NECAB1: variants seen among roughly 807,000 people sequenced by gnomAD.
The protein encoded by NECAB1 is N-terminal EF-hand calcium binding protein 1.
NECAB1 carries 29 observed loss-of-function variants against 57.5 expected under a neutral mutation model. The ratio of observed to expected loss-of-function variants is 0.50; its 90% CI spans 0.38 to 0.69. NECAB1 has a LOEUF of 0.69. Among genes scored for constraint, NECAB1 ranks in the 30% least tolerant of loss-of-function variants. The probability of loss-of-function intolerance (pLI) is 0.00; values close to 1 mark genes in which losing one functional copy is unlikely to be tolerated. For missense variants in NECAB1, 372 were observed against 413.8 expected, an observed-to-expected ratio of 0.90 and a Z score of 0.88; for synonymous variants, 142 against 147.7, an observed-to-expected ratio of 0.96 and a Z score of 0.28.
intron 6 of NECAB1, among the ~76,000 whole-genome samples, chr8:90,919,817 C>T (rs547381356): frequency 1.5e-4 from 23 of 152,290 alleles, no homozygotes; most frequent in Non-Finnish European, 2.5e-4. Flanking sequence ...TAGAATCAGT[C>T]ATCTGCCACC....
rs183493076 is a variant in NECAB1, at chr8:90,824,773, A to G, written c.181A>G (p.Ser61Gly). The G allele has an allele frequency of 6.4e-7, 1 of 1,553,696 alleles. No homozygotes were observed. Among genetic ancestry groups the G allele is most frequent in the Non-Finnish European group, 8.7e-7 (1 of 1,146,918 alleles). The change falls in exon 3 of 13, where the codon AGT becomes GGT. Residue 61 changes from serine (S) to glycine (G), a missense_variant. By Grantham distance (56) the Ser-to-Gly change is moderately conservative. Coordinates refer to ENST00000417640, the MANE Select transcript of NECAB1 (RefSeq NM_022351.5). ...FKAYFADGVLSGEELHELFHT... is the reference protein window; with the variant it reads ...FKAYFADGVLGGEELHELFHT... ...AGCATATTTTGCAGATGGTGTTCTC[A>G]GTGGAGAAGAATTACACGAGCTTTT...
Position 90,959,165 on chromosome 8 carries a change from G to T in NECAB1, c.*3653G>T. On this transcript the variant is annotated 3_prime_UTR_variant, in exon 13 of 13. Coordinates refer to ENST00000417640, the MANE Select transcript of NECAB1 (RefSeq NM_022351.5). Reference sequence around the variant, plus strand: ...GCATGTTACCATAGAAACTATTAAAGTAACTAGAACTGTCAAATAACAAAA... The same window carrying T: ...GCATGTTACCATAGAAACTATTAAATTAACTAGAACTGTCAAATAACAAAA... 6.5e-6 allele frequency: 3 copies of T among 464,836 alleles called. No homozygotes were observed. The highest frequency in any genetic ancestry group is 3.8e-5 in the East Asian group (1 of 26,376). The allele number at this position is 464,836 out of a possible 1,614,324, so 28.8% of individuals were successfully genotyped here. A position where few individuals can be genotyped will look rare whatever the true frequency, so the allele number is the denominator to read the frequency against.
intron 5 of NECAB1, among the ~76,000 whole-genome samples, chr8:90,905,735 C>A (rs756329023): frequency 6.6e-6 from 1 of 152,114 alleles, no homozygotes; most frequent in African/African-American, 2.4e-5. Flanking sequence ...CCTCTTAGAA[C>A]TCCTTATATG....
At chr8:90,953,587 A>AT (rs1810960315) in intron 12 of NECAB1, among the ~76,000 whole-genome samples, 2 of 152,190 alleles carry the variant, frequency 1.3e-5, no homozygotes, top group Admixed American at 6.5e-5. Context: ...AACCTACAAC[A>AT]TTTTGACATT....
intron 5 of NECAB1, among the ~76,000 whole-genome samples, chr8:90,912,217 C>T (rs976869887): frequency 6.6e-6 from 1 of 152,062 alleles, no homozygotes; most frequent in African/African-American, 2.4e-5. Context: ...GGATTACTTC[C>T]CAGCAGAATG....
intron 3 of NECAB1, among the ~76,000 whole-genome samples, chr8:90,856,115 G>A (rs1812789334): frequency 6.6e-6 from 1 of 151,962 alleles, no homozygotes; most frequent in African/African-American, 2.4e-5. Flanking sequence ...GAATCTTCTG[G>A]AATTAAATAC....
chr8:90,866,572 G>GA (rs1410543201), intron 3 of NECAB1, among the ~76,000 whole-genome samples: 1 of 152,166 alleles, frequency 6.6e-6, no homozygotes, highest in Non-Finnish European at 1.5e-5. Context: ...ACAGTGTATG[G>GA]AAATTTTAGT....
chr8:90,876,699 C>T (rs956049541), intron 4 of NECAB1, among the ~76,000 whole-genome samples: 13 of 152,112 alleles, frequency 8.5e-5, no homozygotes, highest in African/African-American at 3.1e-4. Context: ...GAAGATGGCA[C>T]ACTGGATATC....
intron 10 of NECAB1, among the ~76,000 whole-genome samples, chr8:90,944,936 T>C (rs1810763068): frequency 6.6e-6 from 1 of 152,198 alleles, no homozygotes; most frequent in Non-Finnish European, 1.5e-5. Context: ...CTCACACTGT[T>C]GCCCAGGCTG....
intron 3 of NECAB1, among the ~76,000 whole-genome samples, chr8:90,827,450 T>C (rs947508380): frequency 6.6e-6 from 1 of 152,034 alleles, no homozygotes; most frequent in Non-Finnish European, 1.5e-5. Context: ...GACTTCACTT[T>C]GGAGTCCATT....
intron 5 of NECAB1, among the ~76,000 whole-genome samples, chr8:90,905,595 T>C (rs901931905): frequency 3.3e-5 from 5 of 152,212 alleles, no homozygotes; most frequent in Non-Finnish European, 7.3e-5. Flanking sequence ...GGTTTTACTA[T>C]ATTGCATCTG....
intron 3 of NECAB1, among the ~76,000 whole-genome samples, chr8:90,840,940 T>A (rs1812443429): frequency 9.4e-6 from 1 of 106,130 alleles, no homozygotes; most frequent in African/African-American, 3.9e-5. Context: ...ATGGTAGTGG[T>A]AAATCTATTC....
chr8:90,840,712 C>T (rs994101947), intron 3 of NECAB1, among the ~76,000 whole-genome samples: 1 of 152,102 alleles, frequency 6.6e-6, no homozygotes, highest in Admixed American at 6.6e-5. Context: ...TGTTTGACTG[C>T]GGTCTTAGAG....
chr8:90,911,041 T>C (rs1464052727), intron 5 of NECAB1, among the ~76,000 whole-genome samples: 4 of 152,204 alleles, frequency 2.6e-5, no homozygotes, highest in Admixed American at 2.6e-4. Flanking sequence ...TGCTGTTTTC[T>C]AGTTGTTTGC....
At chr8:90,862,929 T>C (rs914285447) in intron 3 of NECAB1, among the ~76,000 whole-genome samples, 4 of 152,156 alleles carry the variant, frequency 2.6e-5, no homozygotes, top group African/African-American at 7.2e-5. Flanking sequence ...ATCTTCCTTC[T>C]CTTTCACTTA....
At chr8:90,917,985 T>TAC (rs1450265904) in intron 6 of NECAB1, among the ~76,000 whole-genome samples, 1 of 136,852 alleles carries the variant, frequency 7.3e-6, no homozygotes, top group South Asian at 2.3e-4. Context: ...TGTATATATA[T>TAC]ACATATATGT....
chr8:90,807,017 A>G (rs1033447164), intron 2 of NECAB1, among the ~76,000 whole-genome samples: 25 of 152,130 alleles, frequency 1.6e-4, no homozygotes, highest in African/African-American at 6.0e-4. Flanking sequence ...ATATGCACCT[A>G]TGTCACCTAT....
At chr8:90,803,694 C>G (rs1811799241) in intron 2 of NECAB1, among the ~76,000 whole-genome samples, 2 of 152,128 alleles carry the variant, frequency 1.3e-5, no homozygotes, top group African/African-American at 4.8e-5. Flanking sequence ...GTCAAACTAC[C>G]TGCCTTTCTG....
chr8:90,852,822 C>T (rs755923893), intron 3 of NECAB1, among the ~76,000 whole-genome samples: 1 of 152,204 alleles, frequency 6.6e-6, no homozygotes, highest in Non-Finnish European at 1.5e-5. Flanking sequence ...GCAATAAAAT[C>T]CCGTTCATTT....
Sources: allele counts gnomAD v4.1 joint callset (sites outside exome capture counted in the v4.1 genomes callset), GRCh38; gene constraint gnomAD v4.1.1; transcripts MANE v1.5; gene names NCBI Gene and HGNC (gene_info 2026-07-23, HGNC 2026-07-21).